Variants in IKZF1 observed in about 807,000 individuals in gnomAD.
The protein encoded by IKZF1 is IKAROS family zinc finger 1, also known as DNA-binding protein Ikaros.
IKZF1 carries 10 observed loss-of-function variants against 51.7 expected under a neutral mutation model. That is an observed-to-expected ratio of 0.19 (90% confidence interval 0.12 to 0.33). The LOEUF is 0.33. IKZF1 is among the 10% of genes least tolerant of loss of function. IKZF1 has a pLI of 1.00. For missense variants in IKZF1, 484 were observed against 707.5 expected, an observed-to-expected ratio of 0.68 and a Z score of 3.58; for synonymous variants, 280 against 282.3, an observed-to-expected ratio of 0.99 and a Z score of 0.08.
In IKZF1 at chr7:50,400,711, A is replaced by G; in HGVS notation, c.*84A>G. On this transcript the variant is annotated 3_prime_UTR_variant, in exon 8 of 8. Transcript: ENST00000331340. This position sits in a 1 kb window ranked among gnomAD's most constrained non-coding sequence, Gnocchi z 5.4. ...CCGCCTTCTCGCTCCCGCCAGCAGC[A>G]TAGACTGGACTGGACCAGACAATGT... is the stretch of plus-strand genomic sequence containing the variant. 6.8e-6 allele frequency: 10 copies of G among 1,466,672 alleles called. No individual in the cohort carries two copies. The highest frequency in any genetic ancestry group is 9.2e-6 in the Non-Finnish European group (10 of 1,087,426). 90.9% of individuals were successfully genotyped at this position (1,466,672 alleles called of 1,614,324 possible). A position where few individuals can be genotyped will look rare whatever the true frequency, so the allele number is the denominator to read the frequency against.
At position 50,334,066 on chromosome 7, in the gene IKZF1, T is replaced by C. The variant is rs1797009091; in HGVS notation, c.160+6309T>C. On this transcript the variant is annotated intron_variant, in intron 3 of 7. Transcript: ENST00000331340. Reference sequence around the variant, plus strand: ...TTGCTTCGCATTTCAAAGTAAATTTTAATTTACAGTCTTCCAGATTCGTTT... The same window carrying C: ...TTGCTTCGCATTTCAAAGTAAATTTCAATTTACAGTCTTCCAGATTCGTTT... 7.9e-5 allele frequency among the ~76,000 whole-genome samples: 12 copies of C among 152,388 alleles called. No individual in the cohort carries two copies. In the South Asian group the frequency reaches 2.5e-3, roughly 32 times the overall value.
intron 1 of IKZF1, among the ~76,000 whole-genome samples, chr7:50,311,932 T>C (rs1219117403): frequency 6.6e-6 from 1 of 152,194 alleles, no homozygotes; most frequent in African/African-American, 2.4e-5. Flanking sequence ...CCTGGGGTCC[T>C]CTGTCTCTTT....
At chr7:50,371,353 A>G (rs2153460258) in intron 3 of IKZF1, among the ~76,000 whole-genome samples, 1 of 152,348 alleles carries the variant, frequency 6.6e-6, no homozygotes, top group East Asian at 1.9e-4. Context: ...TGAAGGGCCA[A>G]CAAAACTCAC....
At chr7:50,353,462 G>T (rs554925810) in intron 3 of IKZF1, among the ~76,000 whole-genome samples, 1 of 152,310 alleles carries the variant, frequency 6.6e-6, no homozygotes, top group East Asian at 1.9e-4. Flanking sequence ...CTGTGAGGGA[G>T]AAGAGAAAAA....
Position 50,400,410 on chromosome 7 carries a change from C to A in IKZF1, c.1343C>A (p.Ala448Glu), listed in dbSNP as rs750934235. The change falls in exon 8 of 8, where the codon GCG becomes GAG. Residue 448 changes from alanine (A) to glutamate (E), a missense_variant. Physicochemically the swap from Ala to Glu is moderately radical, Grantham distance 107. This residue lies in a region of IKZF1 where 72 missense variants were observed against 67.5 expected (regional missense o/e 1.07). Transcript: ENST00000331340. The surrounding 1 kb of genome is among the most constrained non-coding windows in gnomAD (Gnocchi z 5.4). The part of the protein sequence containing the change: ...LRAASENSQD[A>E]LRVVSTSGEQ... ...GCCGCCTCCGAGAACTCGCAGGACG[C>A]GCTCCGCGTGGTCAGCACCAGCGGG... The A allele has an allele frequency of 6.2e-7, 1 of 1,613,774 alleles. No homozygotes were observed. The highest frequency in any genetic ancestry group is 1.7e-4 in the Middle Eastern group (1 of 6,058).
At position 50,404,364 on chromosome 7, in the gene IKZF1, A is replaced by G. The variant is rs995707813; in HGVS notation, c.*3737A>G. On this transcript the variant is annotated 3_prime_UTR_variant, in exon 8 of 8. Coordinates refer to ENST00000331340, the MANE Select transcript of IKZF1 (RefSeq NM_006060.6). ...GAACAAGGGATGTACCACTGGAGGA[A>G]TAGAGTATCCTTTTGTACACATTTT... 1.8e-5 allele frequency: 4 copies of G among 225,756 alleles called. No individual in the cohort carries two copies. The highest frequency in any genetic ancestry group is 4.5e-5 in the African/African-American group (2 of 44,866). The allele number at this position is 225,756 out of a possible 1,614,324, so 14.0% of individuals were successfully genotyped here.
intron 6 of IKZF1, among the ~76,000 whole-genome samples, chr7:50,390,012 C>G (rs1337002873): frequency 1.3e-5 from 2 of 152,194 alleles, no homozygotes; most frequent in African/African-American, 4.8e-5. Flanking sequence ...ATATAATTTT[C>G]TTTAGTAAAA....
At chr7:50,315,873 A>G (rs965638651) in intron 1 of IKZF1, among the ~76,000 whole-genome samples, 6 of 152,052 alleles carry the variant, frequency 3.9e-5, no homozygotes, top group African/African-American at 1.4e-4. Flanking sequence ...CATGTGGGAG[A>G]GGAGGGGCTC....
chr7:50,358,804 A>C (rs1487427118), intron 3 of IKZF1, among the ~76,000 whole-genome samples: 1 of 152,232 alleles, frequency 6.6e-6, no homozygotes, highest in Admixed American at 6.5e-5. Flanking sequence ...AAAAAGAAAA[A>C]AAAAGCCTTA....
intron 3 of IKZF1, among the ~76,000 whole-genome samples, chr7:50,365,618 A>T (rs1217927781): frequency 3.3e-5 from 5 of 152,246 alleles, no homozygotes; most frequent in Non-Finnish European, 5.9e-5. Flanking sequence ...GTTATTAATA[A>T]AAAGTCAAAG....
At chr7:50,337,030 C>T (rs967678999) in intron 3 of IKZF1, among the ~76,000 whole-genome samples, 10 of 151,942 alleles carry the variant, frequency 6.6e-5, no homozygotes, top group African/African-American at 2.2e-4. Flanking sequence ...AGGATAATGC[C>T]CTAGAAAGAG....
intron 1 of IKZF1, among the ~76,000 whole-genome samples, chr7:50,317,733 AATAC>A (rs1447338228): frequency 3.3e-5 from 5 of 152,218 alleles, no homozygotes; most frequent in Admixed American, 1.3e-4. Context: ...TGAAATTGAA[AATAC>A]ATATTCCATA....
intron 3 of IKZF1, chr7:50,368,091 A>T (rs1383093716): frequency 1.4e-6 from 1 of 703,436 alleles, no homozygotes; most frequent in Non-Finnish European, 2.6e-6. Flanking sequence ...GCTTCTGGAA[A>T]ACAAAAGCAT....
intron 6 of IKZF1, chr7:50,388,612 T>C (rs183317095): frequency 6.6e-6 from 1 of 152,332 alleles, no homozygotes; most frequent in East Asian, 1.9e-4. Flanking sequence ...TAAATTGTCA[T>C]TTGGCTTCTT....
At chr7:50,385,408 C>T (rs528121516) in intron 5 of IKZF1, among the ~76,000 whole-genome samples, 17 of 152,312 alleles carry the variant, frequency 1.1e-4, no homozygotes. Flanking sequence ...GGCCTGAGGT[C>T]TTATGAACTA....
intron 3 of IKZF1, among the ~76,000 whole-genome samples, chr7:50,351,054 G>A (rs570806982): frequency 1.3e-5 from 2 of 152,254 alleles, no homozygotes; most frequent in East Asian, 1.9e-4. Context: ...GTTACCTCTC[G>A]GAATAAAATA....
intron 3 of IKZF1, among the ~76,000 whole-genome samples, chr7:50,342,836 C>T (rs1308246056): frequency 6.6e-6 from 1 of 152,192 alleles, no homozygotes; most frequent in Non-Finnish European, 1.5e-5. Context: ...CTGCTGCTAA[C>T]CGCTGCTCTT....
At chr7:50,327,552 T>C (rs1165068413) in intron 2 of IKZF1, 86 bp from the exon 3 acceptor site, 1 of 1,469,216 alleles carries the variant, frequency 6.8e-7, no homozygotes, top group Non-Finnish European at 9.1e-7. Context: ...TGCCTCCTCA[T>C]GCCACCCTCT....
chr7:50,403,073 G>A lies in IKZF1; in HGVS notation c.*2446G>A, dbSNP rs1165567651. The stretch of plus-strand genomic sequence containing the variant: ...CAAACCAGAACTGTAAATAGTGATT[G>A]CAGGAATTCTTTTCTAAACTGCTTT... On this transcript the variant is annotated 3_prime_UTR_variant, in exon 8 of 8. Coordinates refer to ENST00000331340, the MANE Select transcript of IKZF1 (RefSeq NM_006060.6). The A allele has an allele frequency of 4.5e-6, 1 of 223,496 alleles. No homozygotes were observed. Among genetic ancestry groups the A allele is most frequent in the Non-Finnish European group, 8.9e-6 (1 of 111,976 alleles). The allele number at this position is 223,496 out of a possible 1,614,324, so 13.8% of individuals were successfully genotyped here. A position where few individuals can be genotyped will look rare whatever the true frequency, so the allele number is the denominator to read the frequency against.
Sources: allele counts gnomAD v4.1 joint callset (sites outside exome capture counted in the v4.1 genomes callset), GRCh38; gene constraint gnomAD v4.1.1; regional missense constraint gnomAD v4.1.1; non-coding constraint Gnocchi (gnomAD v3.1); transcripts MANE v1.5; gene names NCBI Gene and HGNC (gene_info 2026-07-23, HGNC 2026-07-21).